DGKB: variants seen among roughly 807,000 people sequenced by gnomAD.
The protein encoded by DGKB is diacylglycerol kinase beta.
Under a neutral mutation model 114.3 loss-of-function variants are expected in DGKB, and 67 were observed. The observed-to-expected ratio is 0.59, with a 90% confidence interval of 0.48 to 0.72. The LOEUF (loss-of-function observed/expected upper bound fraction) is 0.72. Ranked by LOEUF, DGKB falls within the 30% of genes least tolerant of loss-of-function variation. DGKB has a pLI of 0.00. For missense variants in DGKB, 907 were observed against 975.2 expected (o/e 0.93, Z 0.93); for synonymous variants, 398 against 323.1 (o/e 1.23, Z -2.49).
intron 23 of DGKB, among the ~76,000 whole-genome samples, chr7:14,225,509 G>A (rs1790653340): frequency 6.6e-6 from 1 of 152,022 alleles, no homozygotes; most frequent in African/African-American, 2.4e-5. Context: ...AGCTCCTTAT[G>A]TTGAAAGAGA....
Position 14,718,698 on chromosome 7 carries a change from T to A in DGKB, c.323-13A>T, listed in dbSNP as rs540066328. 3.2e-5 allele frequency: 50 copies of A among 1,587,112 alleles called. No individual in the cohort carries two copies. The highest frequency in any genetic ancestry group is 2.6e-4 in the Admixed American group (14 of 53,778). On this transcript the variant is annotated splice_polypyrimidine_tract_variant and intron_variant, in intron 5 of 25. Transcript: ENST00000402815. Reference sequence around the variant, plus strand: ...TTCATTCTCAGACCTGGAAAAAAAATTGTCTTTATATTTTGTTAATTATTT... The same window carrying A: ...TTCATTCTCAGACCTGGAAAAAAAAATGTCTTTATATTTTGTTAATTATTT...
chr7:14,407,612 C>T (rs935760105), intron 21 of DGKB, among the ~76,000 whole-genome samples: 3 of 151,992 alleles, frequency 2.0e-5, no homozygotes, highest in Non-Finnish European at 2.9e-5. Context: ...GCTAAAATTT[C>T]GTTGGCCAAA....
chr7:14,166,870 T>C (rs1280442700), intron 25 of DGKB, among the ~76,000 whole-genome samples: 3 of 151,844 alleles, frequency 2.0e-5, no homozygotes, highest in Admixed American at 1.3e-4. Context: ...GGTACAAAAA[T>C]AGGAAAGAAG....
chr7:14,175,053 T>A (rs1380847773), intron 25 of DGKB, among the ~76,000 whole-genome samples: 5 of 152,162 alleles, frequency 3.3e-5, no homozygotes, highest in African/African-American at 9.7e-5. Flanking sequence ...AAATGAAAAA[T>A]TCCTTCTTAC....
Position 14,811,208 on chromosome 7 carries a change from ATC to A in DGKB, c.70+29984_70+29985del, listed in dbSNP as rs1409756349. 2.6e-5 allele frequency among the ~76,000 whole-genome samples: 4 copies of A among 152,124 alleles called. No individual in the cohort carries two copies. In the East Asian group the frequency reaches 5.8e-4, roughly 22 times the overall value. On this transcript the variant is annotated intron_variant, in intron 2 of 25. Coordinates refer to ENST00000402815, the MANE Select transcript of DGKB (RefSeq NM_001350709.2). Reference sequence around the variant, plus strand: ...ATGAGCATAATCCCTGTAAAAAATTATCTGTTTATTTATTTTAGAGATGTAGT... The same window carrying A: ...ATGAGCATAATCCCTGTAAAAAATTATGTTTATTTATTTTAGAGATGTAGT...
chr7:14,386,450 A>G (rs1820353639), intron 21 of DGKB, among the ~76,000 whole-genome samples: 1 of 152,228 alleles, frequency 6.6e-6, no homozygotes, highest in Non-Finnish European at 1.5e-5. Flanking sequence ...TGACTCCTGT[A>G]TCATGTATGT....
At chr7:14,892,537 A>G (rs1034526557) in intron 1 of DGKB, among the ~76,000 whole-genome samples, 5 of 151,250 alleles carry the variant, frequency 3.3e-5, no homozygotes, top group African/African-American at 1.2e-4. Flanking sequence ...ATAAATACAT[A>G]TGAATAAATT....
rs151274094 is a variant in DGKB, at chr7:14,891,231, G to C, written c.-188+11361C>G. On this transcript the variant is annotated intron_variant, in intron 1 of 25. Transcript: ENST00000402815. ...ATATACTACAATATAGTGCATTTCAGAGAATGAAGAAGATAGTCACTTACC... is the reference window on the plus strand; with the variant it reads ...ATATACTACAATATAGTGCATTTCACAGAATGAAGAAGATAGTCACTTACC... Among the ~76,000 whole-genome samples, 91 of 151,470 alleles carry C rather than the reference G, an allele frequency of 6.0e-4. No homozygotes were observed. The East Asian group carries it at 0.016, about 27-fold the overall frequency.
At chr7:14,318,374 C>T (rs1482620978) in intron 23 of DGKB, among the ~76,000 whole-genome samples, 4,454 of 151,866 alleles carry the variant, frequency 0.029, 209 homozygotes, top group African/African-American at 0.1. Flanking sequence ...AGAAAATTTT[C>T]GCAACCTACT....
At chr7:14,950,955 T>C (rs1312811788) in intron 1 of DGKB, among the ~76,000 whole-genome samples, 2 of 151,962 alleles carry the variant, frequency 1.3e-5, no homozygotes, top group Non-Finnish European at 1.5e-5. Context: ...CATCATTTAA[T>C]ATAATATATC....
intron 22 of DGKB, among the ~76,000 whole-genome samples, chr7:14,344,835 T>C (rs1002185029): frequency 6.6e-6 from 1 of 151,586 alleles, no homozygotes; most frequent in Non-Finnish European, 1.5e-5. Flanking sequence ...CCTTGGGAAC[T>C]GAGAAAACCT....
intron 20 of DGKB, among the ~76,000 whole-genome samples, chr7:14,525,898 T>A (rs780252147): frequency 3.3e-5 from 5 of 152,154 alleles, no homozygotes; most frequent in Non-Finnish European, 5.9e-5. Context: ...TGAAGAAATA[T>A]AGCATTGGAA....
chr7:14,729,055 G>A (rs1356090376), intron 5 of DGKB, among the ~76,000 whole-genome samples: 3 of 150,658 alleles, frequency 2.0e-5, no homozygotes, highest in Non-Finnish European at 4.4e-5. Flanking sequence ...ATCTGATATG[G>A]TACACGTATT....
chr7:14,698,897 A>C (rs921305476), intron 7 of DGKB, among the ~76,000 whole-genome samples: 1 of 152,148 alleles, frequency 6.6e-6, no homozygotes, highest in Non-Finnish European at 1.5e-5. Flanking sequence ...TTTCACATGA[A>C]AACATTACAT....
At chr7:14,499,055 G>T (rs950379536) in intron 20 of DGKB, among the ~76,000 whole-genome samples, 2 of 151,676 alleles carry the variant, frequency 1.3e-5, no homozygotes, top group Non-Finnish European at 3.0e-5. Context: ...TAGAGAAAAG[G>T]TGTTTCTTAG....
intron 24 of DGKB, 110 bp from the exon 25 acceptor site, chr7:14,177,009 G>A (rs920068609): frequency 8.0e-7 from 1 of 1,251,970 alleles, no homozygotes; most frequent in African/African-American, 1.5e-5. Context: ...TAATAGTTGG[G>A]CTCTAAATTT....
intron 13 of DGKB, among the ~76,000 whole-genome samples, chr7:14,647,980 GCTCAGAGGGTC>G (rs1563784178): frequency 6.6e-6 from 1 of 152,228 alleles, no homozygotes; most frequent in Non-Finnish European, 1.5e-5. Context: ...CCTGCACCTG[GCTCAGAGGGTC>G]CTACGCCCAC....
chr7:14,757,776 G>C (rs775688535), intron 2 of DGKB, 45 bp from the exon 3 acceptor site: 22 of 1,094,532 alleles, frequency 2.0e-5, no homozygotes, highest in Non-Finnish European at 2.9e-5. Context: ...TGCACATACT[G>C]TGGTTGTGTA....
chr7:14,180,890 T>G (rs886920274), intron 23 of DGKB, among the ~76,000 whole-genome samples: 1 of 152,154 alleles, frequency 6.6e-6, no homozygotes, highest in Non-Finnish European at 1.5e-5. Flanking sequence ...CAGTTCTCCT[T>G]GGGATGGCCT....
Sources: gnomAD v4.1 joint callset for allele counts (sites outside exome capture counted in the v4.1 genomes callset) on GRCh38, gnomAD v4.1.1 for gene constraint, MANE v1.5 for transcripts, NCBI Gene and HGNC (gene_info 2026-07-23, HGNC 2026-07-21) for gene names.